The following PAX3 variants were observed in gnomAD, a reference collection of about 807,000 sequenced individuals.
PAX3 encodes the protein paired box protein Pax-3.
PAX3 carries 14 observed loss-of-function variants against 51.6 expected under a neutral mutation model. That is an observed-to-expected ratio of 0.27 (90% confidence interval 0.18 to 0.42). The LOEUF (loss-of-function observed/expected upper bound fraction) is 0.42. Ranked by LOEUF, PAX3 falls within the 10% of genes least tolerant of loss-of-function variation. PAX3 has a pLI of 1.00. For missense variants in PAX3, 540 were observed against 642.8 expected (o/e 0.84, Z 1.73); for synonymous variants, 280 against 253.4 (o/e 1.11, Z -1.00).
chr2:222,206,221 A>G (rs1174436926), intron 7 of PAX3, among the ~76,000 whole-genome samples: 1 of 152,044 alleles, frequency 6.6e-6, no homozygotes, highest in African/African-American at 2.4e-5. Flanking sequence ...AAACAAATTC[A>G]AGGCTACCCA....
chr2:222,241,128 T>C (rs1031907533), intron 4 of PAX3, among the ~76,000 whole-genome samples: 1 of 152,140 alleles, frequency 6.6e-6, no homozygotes, highest in African/African-American at 2.4e-5. Flanking sequence ...GTAAGCTAAA[T>C]TCTAGTTTAC....
Position 222,200,927 on chromosome 2 carries a change from T to C in PAX3, c.*481A>G. On this transcript the variant is annotated 3_prime_UTR_variant, in exon 9 of 9. Transcript: ENST00000392070. ...TCTTGCTTCATGAAATGAGCAGTTT[T>C]AAAGTTGTAGAAGTATCAGCATCGA... 5.4e-6 allele frequency: 3 copies of C among 554,402 alleles called. No individual in the cohort carries two copies. Among genetic ancestry groups the C allele is most frequent in the East Asian group, 3.0e-5 (1 of 33,314 alleles). 34.3% of individuals were successfully genotyped at this position (554,402 alleles called of 1,614,324 possible). A position where few individuals can be genotyped will look rare whatever the true frequency, so the allele number is the denominator to read the frequency against.
At chr2:222,281,833 A>G (rs1694657586) in intron 4 of PAX3, among the ~76,000 whole-genome samples, 1 of 152,126 alleles carries the variant, frequency 6.6e-6, no homozygotes, top group Non-Finnish European at 1.5e-5. Context: ...GCCTGTTTCC[A>G]TCCCCTGACT....
chr2:222,268,896 G>A (rs891875151), intron 4 of PAX3, among the ~76,000 whole-genome samples: 2 of 151,910 alleles, frequency 1.3e-5, no homozygotes, highest in African/African-American at 2.4e-5. Flanking sequence ...GGCAGTCTCC[G>A]AGCCCCCAGC....
At chr2:222,223,361 C>T (rs1437819974) in intron 5 of PAX3, among the ~76,000 whole-genome samples, 1 of 152,170 alleles carries the variant, frequency 6.6e-6, no homozygotes, top group Non-Finnish European at 1.5e-5. Context: ...TAGAGTTTTA[C>T]TTAACTTAAT....
intron 4 of PAX3, among the ~76,000 whole-genome samples, chr2:222,277,757 A>G (rs889937239): frequency 2.0e-5 from 3 of 151,990 alleles, no homozygotes; most frequent in African/African-American, 7.2e-5. Context: ...AACATGGTGA[A>G]ACCCCGTCTC....
intron 7 of PAX3, among the ~76,000 whole-genome samples, chr2:222,208,003 G>GTATA (rs71408506): frequency 7.7e-4 from 114 of 148,004 alleles, no homozygotes; most frequent in African/African-American, 2.7e-3. Context: ...ATATGTGTGT[G>GTATA]TATATATATA....
intron 4 of PAX3, among the ~76,000 whole-genome samples, chr2:222,245,611 G>A (rs1373609353): frequency 1.3e-5 from 2 of 152,004 alleles, no homozygotes; most frequent in Non-Finnish European, 2.9e-5. Context: ...AGTGATATGT[G>A]GGAGAGAGTA....
rs201477383 is a variant in PAX3, at chr2:222,239,774, C to T, written c.587-7491G>A. Among the ~76,000 whole-genome samples, 4 of 150,758 alleles carry T rather than the reference C, an allele frequency of 2.7e-5. No homozygotes were observed. The East Asian group carries it at 7.8e-4, about 29-fold the overall frequency. On this transcript the variant is annotated intron_variant, in intron 4 of 8. Coordinates refer to ENST00000392070, the MANE Select transcript of PAX3 (RefSeq NM_181458.4). ...GGGTCTCATTTTGTTTTTATTCCCT[C>T]TATGATTTCTCCCCGAAATGTGCCA...
In PAX3 at chr2:222,221,256, C is replaced by T. The variant is rs199952493; in HGVS notation, c.924G>A (p.Ser308=). The T allele has an allele frequency of 5.7e-5, 92 of 1,613,944 alleles. No individual in the cohort carries two copies. Among genetic ancestry groups the T allele is most frequent in the East Asian group, 4.9e-4 (22 of 44,878 alleles). Residue 308 remains serine (S), a synonymous_variant, in exon 6 of 9, where the codon TCG becomes TCA. Transcript: ENST00000392070. ...TAGATGTGGGCTGGTAAGAGGTCTCCGACAGCTGGTACGTTGGCAAGGTCG... is the reference window on the plus strand; with the variant it reads ...TAGATGTGGGCTGGTAAGAGGTCTCTGACAGCTGGTACGTTGGCAAGGTCG... ...AMPTLPTYQL[S]ETSYQPTSIP...
chr2:222,233,620 G>A (rs1451838266), intron 4 of PAX3, among the ~76,000 whole-genome samples: 1 of 152,066 alleles, frequency 6.6e-6, no homozygotes, highest in African/African-American at 2.4e-5. Flanking sequence ...ATCAGACCAG[G>A]GCTACAGGCA....
At chr2:222,287,969 T>C (rs145364946) in intron 4 of PAX3, among the ~76,000 whole-genome samples, 52 of 152,340 alleles carry the variant, frequency 3.4e-4, no homozygotes, top group African/African-American at 1.3e-3. Context: ...CACAGTTACA[T>C]ATCCAAAGCC....
intron 7 of PAX3, among the ~76,000 whole-genome samples, chr2:222,212,452 C>T (rs1233639840): frequency 1.3e-5 from 2 of 152,102 alleles, no homozygotes; most frequent in African/African-American, 4.8e-5. Context: ...CCCAATTTGC[C>T]ATCTGTTCCA....
At chr2:222,284,347 T>C (rs988889562) in intron 4 of PAX3, among the ~76,000 whole-genome samples, 2 of 152,222 alleles carry the variant, frequency 1.3e-5, no homozygotes, top group African/African-American at 4.8e-5. Flanking sequence ...ATTCCTGATC[T>C]GCTGAAAAAA....
chr2:222,219,870 A>G (rs1296667638), intron 7 of PAX3, among the ~76,000 whole-genome samples: 1 of 152,222 alleles, frequency 6.6e-6, no homozygotes, highest in Non-Finnish European at 1.5e-5. Flanking sequence ...GGAGAAGACA[A>G]AACATGGCAA....
At chr2:222,276,346 A>G (rs146961636) in intron 4 of PAX3, among the ~76,000 whole-genome samples, 2 of 152,348 alleles carry the variant, frequency 1.3e-5, no homozygotes, top group Non-Finnish European at 2.9e-5. Flanking sequence ...TCTTCCCAGA[A>G]GGCTTCATTT....
At chr2:222,288,044 A>C (rs1202672507) in intron 4 of PAX3, among the ~76,000 whole-genome samples, 2 of 152,250 alleles carry the variant, frequency 1.3e-5, no homozygotes, top group East Asian at 3.8e-4. Context: ...AATTAAGCAC[A>C]GAGATAGTAT....
chr2:222,296,413 C>A (rs1391663060), intron 2 of PAX3, among the ~76,000 whole-genome samples: 1 of 152,014 alleles, frequency 6.6e-6, no homozygotes, highest in African/African-American at 2.4e-5. Flanking sequence ...AAAAACAGAA[C>A]CAAAAATAAT....
chr2:222,276,149 T>C (rs1203729310), intron 4 of PAX3, among the ~76,000 whole-genome samples: 1 of 152,162 alleles, frequency 6.6e-6, no homozygotes, highest in South Asian at 2.1e-4. Context: ...CCCTCCTGTG[T>C]AGCAATTCTA....
Sources: allele counts gnomAD v4.1 joint callset (sites outside exome capture counted in the v4.1 genomes callset), GRCh38; gene constraint gnomAD v4.1.1; transcripts MANE v1.5; gene names NCBI Gene and HGNC (gene_info 2026-07-23, HGNC 2026-07-21).